The following CISD2 variants were observed in gnomAD, a reference collection of about 807,000 sequenced individuals.
CISD2 encodes the protein CDGSH iron-sulfur domain-containing protein 2.
Under a neutral mutation model 12.9 loss-of-function variants are expected in CISD2, and 1 was observed. That is an observed-to-expected ratio of 0.08 (90% CI 0.03 to 0.37). The LOEUF (loss-of-function observed/expected upper bound fraction) is 0.37. CISD2 is among the 10% of genes least tolerant of loss of function. CISD2 has a pLI of 0.99. For synonymous variants in CISD2, 50 were observed against 60.6 expected, an observed-to-expected ratio of 0.83 and a Z score of 0.81; for missense variants, 97 against 163.1, an observed-to-expected ratio of 0.59 and a Z score of 2.21.
chr4:102,871,619 A>G (rs1300523966), intron 1 of CISD2, among the ~76,000 whole-genome samples: 1 of 152,124 alleles, frequency 6.6e-6, no homozygotes, highest in Admixed American at 6.5e-5. Context: ...TTCAGTGGCT[A>G]TTTTCCACTC....
intron 1 of CISD2, among the ~76,000 whole-genome samples, chr4:102,870,663 A>G (rs1733416961): frequency 6.6e-6 from 1 of 152,234 alleles, no homozygotes; most frequent in Non-Finnish European, 1.5e-5. Flanking sequence ...TTTCACATCA[A>G]GTGTTTATAA....
chr4:102,869,301 T>G, intron 1 of CISD2, 114 bp downstream of exon 1: 1 of 1,409,284 alleles, frequency 7.1e-7, no homozygotes, highest in Non-Finnish European at 9.7e-7. Context: ...TGGCACGTGA[T>G]CCCCGCGCGC....
intron 1 of CISD2, 182 bp downstream of exon 1, chr4:102,869,369 C>T: frequency 2.5e-6 from 2 of 801,452 alleles, no homozygotes; most frequent in East Asian, 2.7e-5. Flanking sequence ...GAGGCAGTCT[C>T]CGGGTGCTTG....
At chr4:102,887,233 ATT>A in intron 2 of CISD2, 106 bp from the exon 3 acceptor site, 1 of 700,374 alleles carries the variant, frequency 1.4e-6, no homozygotes, top group South Asian at 1.6e-5. Context: ...AAACGATCTG[ATT>A]TTTTTTAGCA....
At position 102,880,990 on chromosome 4, in the gene CISD2, C is replaced by CA. The variant is rs539473255; in HGVS notation, c.104-4208dup. On this transcript the variant is annotated intron_variant, in intron 1 of 2. Coordinates refer to ENST00000273986, the MANE Select transcript of CISD2 (RefSeq NM_001008388.5). ...TGGGAAACAGAGCGAGACGCTGTCT[C>CA]AAAAAAAAAAAAAAAAAATTTTTTT... is the stretch of plus-strand genomic sequence containing the variant. Among the ~76,000 whole-genome samples, 370 of 98,888 alleles carry CA rather than the reference C, an allele frequency of 3.7e-3. 1 individual carries two copies. Among genetic ancestry groups the CA allele is most frequent in the East Asian group, 0.022 (83 of 3,698 alleles). The allele number at this position is 98,888 out of a possible 152,430, so 64.9% of individuals were successfully genotyped here.
rs1310969940 is a variant in CISD2 at position 102,888,633 on chromosome 4, CT to C, written c.*1204del. On this transcript the variant is annotated 3_prime_UTR_variant, in exon 3 of 3. Transcript: ENST00000273986. Reference sequence around the variant, plus strand: ...TTTAGTTTCATCTTACATTACTACTCTCATAATAGCTATCCTTAGCCAGGTG... The same window carrying C: ...TTTAGTTTCATCTTACATTACTACTCCATAATAGCTATCCTTAGCCAGGTG... The C allele has an allele frequency of 3.3e-5, 5 of 152,226 alleles. No individual in the cohort carries two copies. Among genetic ancestry groups the C allele is most frequent in the Non-Finnish European group, 5.9e-5 (4 of 68,038 alleles). 9.4% of individuals were successfully genotyped at this position (152,226 alleles called of 1,614,324 possible). A position where few individuals can be genotyped will look rare whatever the true frequency, so the allele number is the denominator to read the frequency against.
intron 1 of CISD2, 177 bp downstream of exon 1, chr4:102,869,364 A>G (rs956522839): frequency 2.4e-5 from 20 of 820,138 alleles, no homozygotes; most frequent in East Asian, 5.3e-5. Flanking sequence ...CCTGTGAGGC[A>G]GTCTCCGGGT....
intron 1 of CISD2, among the ~76,000 whole-genome samples, chr4:102,879,097 T>C (rs1341138906): frequency 6.6e-6 from 1 of 152,062 alleles, no homozygotes; most frequent in Non-Finnish European, 1.5e-5. Context: ...GAGAACTCAC[T>C]ATCAGGAGAA....
At position 102,885,166 on chromosome 4, in the gene CISD2, T is replaced by A; in HGVS notation, c.104-50T>A. On this transcript the variant is annotated intron_variant, in intron 1 of 2. Coordinates refer to ENST00000273986, the MANE Select transcript of CISD2 (RefSeq NM_001008388.5). The stretch of plus-strand genomic sequence containing the variant: ...AAGGATGAAACTAGACATGCTATTT[T>A]GAATTCTTTTCCAAGAGCACTGCAG... 2.1e-6 allele frequency: 3 copies of A among 1,406,366 alleles called. No individual in the cohort carries two copies. In the South Asian group the frequency reaches 3.5e-5, roughly 16 times the overall value. The allele number at this position is 1,406,366 out of a possible 1,614,324, so 87.1% of individuals were successfully genotyped here.
intron 1 of CISD2, among the ~76,000 whole-genome samples, chr4:102,870,574 A>G (rs1408525425): frequency 1.3e-5 from 2 of 152,230 alleles, no homozygotes; most frequent in Non-Finnish European, 2.9e-5. Context: ...TTGAATAGAA[A>G]GCATGGTAAC....
intron 1 of CISD2, among the ~76,000 whole-genome samples, chr4:102,873,025 AG>A (rs1349035792): frequency 2.0e-5 from 3 of 152,204 alleles, no homozygotes; most frequent in African/African-American, 7.2e-5. Flanking sequence ...ACATCATGGC[AG>A]GAAGTAGTGC....
chr4:102,878,320 G>A (rs899301443), intron 1 of CISD2, among the ~76,000 whole-genome samples: 2 of 152,024 alleles, frequency 1.3e-5, no homozygotes, highest in South Asian at 2.1e-4. Context: ...TAGTAGAGAC[G>A]GGGTTTCACC....
chr4:102,878,740 T>G (rs1733647992), intron 1 of CISD2, among the ~76,000 whole-genome samples: 1 of 152,202 alleles, frequency 6.6e-6, no homozygotes, highest in African/African-American at 2.4e-5. Context: ...TTCCCACATC[T>G]TACTGTCTTC....
intron 1 of CISD2, among the ~76,000 whole-genome samples, chr4:102,871,653 T>A (rs1733452842): frequency 6.6e-6 from 1 of 152,222 alleles, no homozygotes; most frequent in Non-Finnish European, 1.5e-5. Flanking sequence ...CTGAATAGAT[T>A]GTAACAGTTA....
At chr4:102,872,634 G>C (rs1218458818) in intron 1 of CISD2, among the ~76,000 whole-genome samples, 1 of 151,882 alleles carries the variant, frequency 6.6e-6, no homozygotes, top group South Asian at 2.1e-4. Context: ...CATTAAGATC[G>C]GAGTTTGTCT....
In CISD2 at chr4:102,891,153, A is replaced by C. The variant is rs1734228342; in HGVS notation, c.*3723A>C. 6.6e-6 allele frequency: 1 copy of C among 151,366 alleles called. No homozygotes were observed. Among genetic ancestry groups the C allele is most frequent in the Non-Finnish European group, 1.5e-5 (1 of 68,016 alleles). The allele number at this position is 151,366 out of a possible 1,614,324, so 9.4% of individuals were successfully genotyped here. A position where few individuals can be genotyped will look rare whatever the true frequency, so the allele number is the denominator to read the frequency against. On this transcript the variant is annotated 3_prime_UTR_variant, in exon 3 of 3. Coordinates refer to ENST00000273986, the MANE Select transcript of CISD2 (RefSeq NM_001008388.5). Reference sequence around the variant, plus strand: ...ATATCGACTAATAGTAGTCTAGGTAAGTCAAGTTCAAATTAAGTGGTAATT... The same window carrying C: ...ATATCGACTAATAGTAGTCTAGGTACGTCAAGTTCAAATTAAGTGGTAATT...
At chr4:102,869,300 A>T in intron 1 of CISD2, 113 bp downstream of exon 1, 1 of 1,416,308 alleles carries the variant, frequency 7.1e-7, no homozygotes, top group Non-Finnish European at 9.7e-7. Context: ...CTGGCACGTG[A>T]TCCCCGCGCG....
At chr4:102,886,399 G>A (rs1733918217) in intron 2 of CISD2, among the ~76,000 whole-genome samples, 1 of 151,830 alleles carries the variant, frequency 6.6e-6, no homozygotes. Context: ...GCTGAGGCAG[G>A]AAAATCACTT....
At chr4:102,878,863 A>G (rs1297061051) in intron 1 of CISD2, among the ~76,000 whole-genome samples, 1 of 152,214 alleles carries the variant, frequency 6.6e-6, no homozygotes. Flanking sequence ...AATTTACTGT[A>G]TTAGCTTTCA....
Sources: gnomAD v4.1 joint callset for allele counts (sites outside exome capture counted in the v4.1 genomes callset) on GRCh38, gnomAD v4.1.1 for gene constraint, MANE v1.5 for transcripts, NCBI Gene and HGNC (gene_info 2026-07-23, HGNC 2026-07-21) for gene names.